DMXL1: variants seen among roughly 807,000 people sequenced by gnomAD.
DMXL1 encodes the protein dmX-like protein 1.
A neutral mutation model predicts 319.2 loss-of-function variants in DMXL1; 99 were observed. That is an observed-to-expected ratio of 0.31 (90% confidence interval 0.26 to 0.37). DMXL1 has a LOEUF of 0.37. Ranked by LOEUF, DMXL1 falls within the 10% of genes least tolerant of loss-of-function variation. The probability of loss-of-function intolerance (pLI) is 1.00; values close to 1 mark genes in which losing one functional copy is unlikely to be tolerated. For missense variants in DMXL1, 3,745 were observed against 3,595.6 expected (o/e 1.04, Z -1.06); for synonymous variants, 1,385 against 1,235.2 (o/e 1.12, Z -2.54).
chr5:119,240,117 T>A (rs985909534), intron 41 of DMXL1, among the ~76,000 whole-genome samples: 4 of 151,726 alleles, frequency 2.6e-5, no homozygotes, highest in African/African-American at 4.8e-5. Context: ...AAAAAAAATT[T>A]AAAAAATTAG....
At chr5:119,127,255 AC>A (rs1022548478) in intron 9 of DMXL1, 36 of 216,216 alleles carry the variant, frequency 1.7e-4, no homozygotes, top group African/African-American at 8.2e-4. Context: ...CATCAGCAAC[AC>A]CCTTAGGATA....
chr5:119,155,532 C>T (rs1288426920), intron 19 of DMXL1, among the ~76,000 whole-genome samples: 1 of 152,084 alleles, frequency 6.6e-6, no homozygotes, highest in Non-Finnish European at 1.5e-5. Context: ...TGAATTGCTG[C>T]AATCTCAGGG....
At position 119,121,151 on chromosome 5, in the gene DMXL1, T is replaced by A; in HGVS notation, c.1102+12T>A. The A allele has an allele frequency of 6.3e-7, 1 of 1,580,334 alleles. No homozygotes were observed. The highest frequency in any genetic ancestry group is 2.3e-5 in the East Asian group (1 of 44,064). On this transcript the variant is annotated intron_variant, in intron 9 of 43. Coordinates refer to ENST00000539542, the MANE Select transcript of DMXL1 (RefSeq NM_001290321.3). ...CAACCCAGCCACAGGTAATGAAACA[T>A]TGTTCAAAACATGTTTCTGAAATTG...
At chr5:119,194,935 A>G (rs561936129) in intron 30 of DMXL1, among the ~76,000 whole-genome samples, 2 of 152,254 alleles carry the variant, frequency 1.3e-5, no homozygotes, top group East Asian at 3.9e-4. Flanking sequence ...TTGAATAGAC[A>G]TTTCTCCAAA....
Position 119,108,799 on chromosome 5 carries a change from A to T in DMXL1, c.365-1352A>T, listed in dbSNP as rs188900224. 2.4e-3 allele frequency among the ~76,000 whole-genome samples: 361 copies of T among 150,860 alleles called. 1 individual carries two copies. The highest frequency in any genetic ancestry group is 8.5e-3 in the African/African-American group (348 of 41,038). ...GAGATCCTCATTATTTACCATCTGA[A>T]TTTTTTTTCCTTTTTTTTTGAGGTG... On this transcript the variant is annotated intron_variant, in intron 4 of 43. Coordinates refer to ENST00000539542, the MANE Select transcript of DMXL1 (RefSeq NM_001290321.3).
intron 1 of DMXL1, among the ~76,000 whole-genome samples, chr5:119,086,626 GTTC>G (rs1274568775): frequency 1.3e-5 from 2 of 152,062 alleles, no homozygotes; most frequent in East Asian, 1.9e-4. Flanking sequence ...ATTGGTGTTA[GTTC>G]TTCTTTAAAT....
chr5:119,141,456 CAACA>C (rs1767324532), intron 13 of DMXL1, among the ~76,000 whole-genome samples: 1 of 152,104 alleles, frequency 6.6e-6, no homozygotes, highest in Non-Finnish European at 1.5e-5. Flanking sequence ...TATACACCAA[CAACA>C]GCTAATCTGA....
intron 21 of DMXL1, among the ~76,000 whole-genome samples, chr5:119,166,315 A>G (rs192586346): frequency 1.3e-5 from 2 of 152,368 alleles, no homozygotes; most frequent in Admixed American, 6.5e-5. Context: ...ATGAGTTTCA[A>G]TGGTGGCACC....
chr5:119,103,283 G>C (rs776827729), intron 3 of DMXL1, among the ~76,000 whole-genome samples: 1 of 152,130 alleles, frequency 6.6e-6, no homozygotes, highest in Admixed American at 6.5e-5. Flanking sequence ...GTTTAGGAAT[G>C]TATTAATTAT....
chr5:119,165,735 C>A (rs145042538), intron 21 of DMXL1, among the ~76,000 whole-genome samples: 1 of 152,136 alleles, frequency 6.6e-6, no homozygotes, highest in Non-Finnish European at 1.5e-5. Flanking sequence ...AGAGCTTGTG[C>A]GGGGAAACTC....
chr5:119,086,064 G>T (rs1015107396), intron 1 of DMXL1, among the ~76,000 whole-genome samples: 5 of 152,152 alleles, frequency 3.3e-5, no homozygotes, highest in Admixed American at 2.0e-4. Context: ...TACAAAAGAG[G>T]TTTATTGGAC....
intron 6 of DMXL1, among the ~76,000 whole-genome samples, chr5:119,114,919 C>T (rs921559376): frequency 2.0e-5 from 3 of 152,200 alleles, no homozygotes; most frequent in Admixed American, 6.5e-5. Flanking sequence ...CCGCCCACCT[C>T]GGCCTCCCAA....
intron 5 of DMXL1, among the ~76,000 whole-genome samples, chr5:119,111,476 T>C (rs1335718613): frequency 2.0e-5 from 3 of 152,216 alleles, no homozygotes; most frequent in Non-Finnish European, 4.4e-5. Flanking sequence ...AAAATGTGGC[T>C]GATAGGAAAT....
In DMXL1 at chr5:119,222,429, G is replaced by GCTGA. The variant is rs1366287606; in HGVS notation, c.8277+1350_8277+1353dup. On this transcript the variant is annotated intron_variant, in intron 37 of 43. Coordinates refer to ENST00000539542, the MANE Select transcript of DMXL1 (RefSeq NM_001290321.3). ...CAGTGGTGGTTAAATAATTTTTCCA[G>GCTGA]CTGACAGATATGTTACAATTCATTG... Among the ~76,000 whole-genome samples, 3 of 152,090 alleles carry GCTGA rather than the reference G, an allele frequency of 2.0e-5. No individual in the cohort carries two copies. In the East Asian group the frequency reaches 5.8e-4, roughly 29 times the overall value.
chr5:119,098,827 A>G (rs955754907), intron 2 of DMXL1, among the ~76,000 whole-genome samples: 2 of 152,196 alleles, frequency 1.3e-5, no homozygotes, highest in Non-Finnish European at 2.9e-5. Flanking sequence ...ACTGGACTGA[A>G]CTTCGCAAAT....
chr5:119,098,248 G>C (rs1447635564), intron 2 of DMXL1, 144 bp downstream of exon 2: 3 of 807,016 alleles, frequency 3.7e-6, no homozygotes, highest in Non-Finnish European at 5.7e-6. Flanking sequence ...GGCTGTCTAA[G>C]ATGCATTCTA....
At chr5:119,120,870 G>T in intron 8 of DMXL1, 101 bp from the exon 9 acceptor site, 2 of 932,712 alleles carry the variant, frequency 2.1e-6, no homozygotes, top group African/African-American at 3.4e-5. Context: ...CATGTAAAAT[G>T]TTCTGAGCTA....
Position 119,178,209 on chromosome 5 carries a change from C to T in DMXL1, c.7100C>T (p.Pro2367Leu), listed in dbSNP as rs752000323. 5 of 1,613,648 alleles carry T rather than the reference C, an allele frequency of 3.1e-6. No homozygotes were observed. Among genetic ancestry groups the T allele is most frequent in the African/African-American group, 2.7e-5 (2 of 74,906 alleles). Residue 2367 changes from proline to leucine, a missense_variant, in exon 28 of 44, where the codon CCT (proline) becomes CTT (leucine). This residue lies in a region of DMXL1 where 1,382 missense variants were observed against 1,269.5 expected (regional missense o/e 1.09). Transcript: ENST00000539542. Reference sequence around the variant, plus strand: ...GTGTTTGGTGGAGGTGCACATGTTCCTAGCAAAGAACAGACACATTCAAAA... The same window carrying T: ...GTGTTTGGTGGAGGTGCACATGTTCTTAGCAAAGAACAGACACATTCAAAA... ...SAVFGGGAHVPSKEQTHSKTL... is the reference protein window; with the variant it reads ...SAVFGGGAHVLSKEQTHSKTL...
In DMXL1 at chr5:119,133,383, C is replaced by G; in HGVS notation, c.1567C>G (p.Gln523Glu). ...CCAGCCTGGTATGTTTCGTCAAGTA[C>G]AGGTACTACTGTTATTTCTGGAGAG... The part of the protein sequence containing the change: ...EYQPGMFRQV[Q>E]VSFVSRIPVA... The change falls in exon 11 of 44, where the codon CAG (glutamine) becomes GAG (glutamate). Residue 523 changes from glutamine (Q) to glutamate (E), a missense_variant and splice_region_variant. By Grantham distance (29) the Gln-to-Glu change is conservative (BLOSUM62 2). This residue lies in a region of DMXL1 where 2,096 missense variants were observed against 1,985.4 expected (regional missense o/e 1.06). Coordinates refer to ENST00000539542, the MANE Select transcript of DMXL1 (RefSeq NM_001290321.3). 8.7e-6 allele frequency: 14 copies of G among 1,610,182 alleles called. No homozygotes were observed. The highest frequency in any genetic ancestry group is 1.2e-5 in the Non-Finnish European group (14 of 1,177,064).
Sources: gnomAD v4.1 joint callset for allele counts (sites outside exome capture counted in the v4.1 genomes callset) on GRCh38, gnomAD v4.1.1 for gene constraint, gnomAD v4.1.1 regional missense constraint, MANE v1.5 for transcripts, NCBI Gene and HGNC (gene_info 2026-07-23, HGNC 2026-07-21) for gene names.